PIP4K2A: variants seen among roughly 807,000 people sequenced by gnomAD.
The protein encoded by PIP4K2A is phosphatidylinositol-5-phosphate 4-kinase type 2 alpha, also known as phosphatidylinositol 5-phosphate 4-kinase type-2 alpha.
PIP4K2A carries 14 observed loss-of-function variants against 42.9 expected under a neutral mutation model. The observed-to-expected ratio is 0.33, with a 90% CI of 0.22 to 0.51. The LOEUF (loss-of-function observed/expected upper bound fraction) is 0.51, where lower values mean the gene tolerates loss of function less well. PIP4K2A is among the 20% of genes least tolerant of loss of function. The pLI is 0.97. For synonymous variants in PIP4K2A, 192 were observed against 192.2 expected, an observed-to-expected ratio of 1.00 and a Z score of 0.01; for missense variants, 434 against 519.8, an observed-to-expected ratio of 0.83 and a Z score of 1.61.
chr10:22,712,971 T>C (rs1056862807), intron 1 of PIP4K2A, among the ~76,000 whole-genome samples: 2 of 151,872 alleles, frequency 1.3e-5, no homozygotes, highest in Non-Finnish European at 2.9e-5. Flanking sequence ...AAAACCAGCA[T>C]GGTTTTCTGT....
At chr10:22,589,588 A>T (rs1482713810) in intron 4 of PIP4K2A, among the ~76,000 whole-genome samples, 4 of 152,262 alleles carry the variant, frequency 2.6e-5, no homozygotes, top group Admixed American at 2.0e-4. Context: ...TGCAAGCAAA[A>T]TGCAATTGAT....
In PIP4K2A at chr10:22,708,958, A is replaced by G. The variant is rs935978546; in HGVS notation, c.144+5225T>C. Among the ~76,000 whole-genome samples, 3 of 151,988 alleles carry G rather than the reference A, an allele frequency of 2.0e-5. No homozygotes were observed. The East Asian group carries it at 5.8e-4, about 29-fold the overall frequency. On this transcript the variant is annotated intron_variant, in intron 1 of 9. Coordinates refer to ENST00000376573, the MANE Select transcript of PIP4K2A (RefSeq NM_005028.5). Reference sequence around the variant, plus strand: ...CCACCATACCCATCTATGTTTTTACATTTTTTGTAGAGACAGGGTCTTGCT... The same window carrying G: ...CCACCATACCCATCTATGTTTTTACGTTTTTTGTAGAGACAGGGTCTTGCT...
chr10:22,539,177 TGAACACAGAGCCAGGAGGGGGCTG>T (rs1174725963), intron 9 of PIP4K2A, among the ~76,000 whole-genome samples: 3 of 152,146 alleles, frequency 2.0e-5, no homozygotes, highest in Admixed American at 2.0e-4. Context: ...GGGATGAGCA[TGAACACAGAGCCAGGAGGGGGCTG>T]GGTCCGGGGG....
At chr10:22,600,891 T>G (rs2559520) in intron 3 of PIP4K2A, among the ~76,000 whole-genome samples, 2 of 151,966 alleles carry the variant, frequency 1.3e-5, no homozygotes, top group Non-Finnish European at 2.9e-5. Flanking sequence ...TGATCTCAAG[T>G]GAAGAATAGC....
At chr10:22,706,319 T>C (rs956964037) in intron 1 of PIP4K2A, among the ~76,000 whole-genome samples, 4 of 152,198 alleles carry the variant, frequency 2.6e-5, no homozygotes, top group Non-Finnish European at 4.4e-5. Flanking sequence ...GTTAGCACCT[T>C]GGCAGATCTC....
rs114685446 is a variant in PIP4K2A, at chr10:22,606,566, T to A, written c.339+1361A>T. ...CATGCCTGAGTAAACATATGAAAAA[T>A]TCCTGGAAATTTTTGGCAATGGTAC... On this transcript the variant is annotated intron_variant, in intron 3 of 9. Coordinates refer to ENST00000376573, the MANE Select transcript of PIP4K2A (RefSeq NM_005028.5). Among the ~76,000 whole-genome samples the A allele has an allele frequency of 6.8e-3, 1,030 of 152,210 alleles. 6 individuals are homozygous for A. The highest frequency in any genetic ancestry group is 0.023 in the African/African-American group (970 of 41,516).
At chr10:22,564,754 T>C (rs991382685) in intron 6 of PIP4K2A, among the ~76,000 whole-genome samples, 1 of 152,198 alleles carries the variant, frequency 6.6e-6, no homozygotes, top group Non-Finnish European at 1.5e-5. Flanking sequence ...AAAGGGCAAA[T>C]GGCCAAAGAA....
At chr10:22,604,229 ATCCTTTTCATTT>A (rs1481990822) in intron 3 of PIP4K2A, among the ~76,000 whole-genome samples, 1 of 152,200 alleles carries the variant, frequency 6.6e-6, no homozygotes, top group African/African-American at 2.4e-5. Flanking sequence ...TCATTTCATT[ATCCTTTTCATTT>A]ATCTTAAAAA....
intron 1 of PIP4K2A, among the ~76,000 whole-genome samples, chr10:22,667,487 T>C (rs1419449531): frequency 6.6e-6 from 1 of 152,206 alleles, no homozygotes; most frequent in African/African-American, 2.4e-5. Context: ...GAAAGTAATA[T>C]CTATGTGGTT....
chr10:22,631,295 G>C (rs1402137688), intron 1 of PIP4K2A, among the ~76,000 whole-genome samples: 2 of 152,064 alleles, frequency 1.3e-5, no homozygotes, highest in Non-Finnish European at 2.9e-5. Context: ...TTGGAGATGG[G>C]GCCCTTAGGA....
At chr10:22,605,562 A>G (rs2765996) in intron 3 of PIP4K2A, among the ~76,000 whole-genome samples, 137,169 of 152,278 alleles carry the variant, frequency 0.9, 61,872 homozygotes, top group East Asian at 0.97. Context: ...AACTCAGACC[A>G]TAATGGGTTC....
chr10:22,598,295 C>T (rs1189214536), intron 3 of PIP4K2A, among the ~76,000 whole-genome samples: 1 of 152,110 alleles, frequency 6.6e-6, no homozygotes, highest in Non-Finnish European at 1.5e-5. Flanking sequence ...GAGTTCGAGG[C>T]TGCAGCGAGC....
chr10:22,574,802 A>G (rs1391580477), intron 4 of PIP4K2A, among the ~76,000 whole-genome samples: 1 of 152,200 alleles, frequency 6.6e-6, no homozygotes, highest in Non-Finnish European at 1.5e-5. Context: ...AATATAATAA[A>G]TTGAGTTTTG....
At chr10:22,573,273 T>C (rs535113116) in intron 5 of PIP4K2A, 38 bp downstream of exon 5, 7 of 1,582,248 alleles carry the variant, frequency 4.4e-6, no homozygotes, top group South Asian at 3.3e-5. Context: ...AAGAGTAAGC[T>C]TGAGTTACTT....
chr10:22,697,332 C>A (rs1564470875), intron 1 of PIP4K2A, among the ~76,000 whole-genome samples: 1 of 152,212 alleles, frequency 6.6e-6, no homozygotes, highest in East Asian at 1.9e-4. Context: ...ATTATTTATA[C>A]TACATAATTC....
intron 7 of PIP4K2A, among the ~76,000 whole-genome samples, chr10:22,542,323 C>T (rs4990868): frequency 5.1e-4 from 10 of 19,430 alleles, no homozygotes; most frequent in African/African-American, 3.8e-3. Context: ...GGCTGGATTT[C>T]ACCAGATAGC....
Position 22,619,165 on chromosome 10 carries a change from A to C in PIP4K2A, c.145-9448T>G, listed in dbSNP as rs1045795387. Among the ~76,000 whole-genome samples the C allele has an allele frequency of 2.6e-5, 4 of 151,566 alleles. No individual in the cohort carries two copies. In the East Asian group the frequency reaches 7.7e-4, roughly 29 times the overall value. ...TGAATATAGGTTGAAACAATTAAGA[A>C]CTTTAAAAAAAAAAATGAAGTTCTA... On this transcript the variant is annotated intron_variant, in intron 1 of 9. Coordinates refer to ENST00000376573, the MANE Select transcript of PIP4K2A (RefSeq NM_005028.5).
intron 6 of PIP4K2A, among the ~76,000 whole-genome samples, chr10:22,554,227 T>A (rs958796345): frequency 9.2e-5 from 14 of 152,238 alleles, no homozygotes; most frequent in African/African-American, 3.4e-4. Flanking sequence ...CTTAGCTTTT[T>A]AAAAGAAATT....
intron 8 of PIP4K2A, among the ~76,000 whole-genome samples, chr10:22,540,651 G>A (rs1469330135): frequency 6.6e-6 from 1 of 152,060 alleles, no homozygotes; most frequent in Non-Finnish European, 1.5e-5. Flanking sequence ...TCCACCTCCC[G>A]AGTTCAAGTG....
Sources: allele counts gnomAD v4.1 joint callset (sites outside exome capture counted in the v4.1 genomes callset), GRCh38; gene constraint gnomAD v4.1.1; transcripts MANE v1.5; gene names NCBI Gene and HGNC (gene_info 2026-07-23, HGNC 2026-07-21).